Variants in VPS37A observed in about 807,000 individuals in gnomAD.
VPS37A encodes VPS37A subunit of ESCRT-I, also known as vacuolar protein sorting-associated protein 37A.
Under a neutral mutation model 49.8 loss-of-function variants are expected in VPS37A, and 30 were observed. The ratio of observed to expected loss-of-function variants is 0.60; its 90% CI spans 0.45 to 0.82. The LOEUF (loss-of-function observed/expected upper bound fraction) is 0.82. Among genes scored for constraint, VPS37A ranks in the 40% least tolerant of loss-of-function variants. VPS37A has a pLI of 0.00. For synonymous variants in VPS37A, 195 were observed against 160.6 expected, an observed-to-expected ratio of 1.21 and a Z score of -1.62; for missense variants, 593 against 464.4, an observed-to-expected ratio of 1.28 and a Z score of -2.55.
At position 17,247,006 on chromosome 8, in the gene VPS37A, G is replaced by A; in HGVS notation, c.-239G>A. The stretch of plus-strand genomic sequence containing the variant: ...TGGCCGGTTTGGGCGTCTGGGCCGT[G>A]AAGGTGGGACCTCCTGTTCCGGGCC... On this transcript the variant is annotated 5_prime_UTR_variant, in exon 1 of 12. Transcript: ENST00000324849. The A allele has an allele frequency of 1.8e-6, 1 of 556,230 alleles. No homozygotes were observed. Among genetic ancestry groups the A allele is most frequent in the Non-Finnish European group, 3.2e-6 (1 of 315,400 alleles). 34.5% of individuals were successfully genotyped at this position (556,230 alleles called of 1,614,324 possible).
chr8:17,304,604 T>G, downstream of VPS37A: 1 of 1,419,840 alleles, frequency 7.0e-7, no homozygotes, highest in Non-Finnish European at 9.7e-7. Flanking sequence ...GGAAAGGAAC[T>G]AATAATTGTT....
rs1029457668 is a variant in VPS37A at position 17,246,967 on chromosome 8, C to T, written c.-278C>T. On this transcript the variant is annotated 5_prime_UTR_variant, in exon 1 of 12. Transcript: ENST00000324849. ...GCGCGGGTGGTGGAGCGCTGGGCGG[C>T]CAGGCTCCCTGGCTGGCCGGTTTGG... is the stretch of plus-strand genomic sequence containing the variant. 7.8e-5 allele frequency: 36 copies of T among 464,308 alleles called. 1 individual carries two copies. The highest frequency in any genetic ancestry group is 6.4e-4 in the African/African-American group (31 of 48,330). The allele number at this position is 464,308 out of a possible 1,614,324, so 28.8% of individuals were successfully genotyped here. A position where few individuals can be genotyped will look rare whatever the true frequency, so the allele number is the denominator to read the frequency against.
chr8:17,303,818 C>A (rs781217849), downstream of VPS37A, among the ~76,000 whole-genome samples: 13 of 152,180 alleles, frequency 8.5e-5, no homozygotes, highest in Non-Finnish European at 1.5e-4. Flanking sequence ...CCATGTTGGC[C>A]AGGCTTGTCT....
intron 1 of VPS37A, among the ~76,000 whole-genome samples, chr8:17,259,569 T>C (rs1267831407): frequency 6.6e-6 from 1 of 152,162 alleles, no homozygotes; most frequent in East Asian, 1.9e-4. Flanking sequence ...CAGTGTTCTG[T>C]AAATGTCAAT....
At chr8:17,314,009 T>G in the VPS37A span, among the ~76,000 whole-genome samples, 4 of 152,186 alleles carry the variant, frequency 2.6e-5, no homozygotes, top group Non-Finnish European at 5.9e-5. Flanking sequence ...GGCTTTCCCT[T>G]TGAGTGAAAA....
At chr8:17,248,725 A>G (rs191953451) in intron 1 of VPS37A, among the ~76,000 whole-genome samples, 30 of 152,348 alleles carry the variant, frequency 2.0e-4, no homozygotes, top group Admixed American at 1.8e-3. Flanking sequence ...TGGCTAAAAT[A>G]AGGCCTGATG....
At position 17,280,241 on chromosome 8, in the gene VPS37A, A is replaced by G. The variant is rs1262084119; in HGVS notation, c.844A>G (p.Lys282Glu). 3 of 1,612,726 alleles carry G rather than the reference A, an allele frequency of 1.9e-6. No individual in the cohort carries two copies. The highest frequency in any genetic ancestry group is 1.3e-5 in the African/African-American group (1 of 75,004). ...LVKSIEELAR[K>E]NLLLEPSLEA... is the part of the protein sequence containing the mutation. ...TAAACTAGAGATTTATCTTACAGGA[A>G]AAAATCTCCTTTTGGAGCCCAGCTT... Residue 282 changes from lysine (K) to glutamate (E), a missense_variant and splice_region_variant, in exon 8 of 12, where the codon AAA becomes GAA. Lys to Glu is a moderately conservative substitution (Grantham distance 56, BLOSUM62 1). Coordinates refer to ENST00000324849, the MANE Select transcript of VPS37A (RefSeq NM_152415.3).
chr8:17,265,914 G>C lies in VPS37A; in HGVS notation c.133G>C (p.Glu45Gln). 1 of 1,613,288 alleles carries C rather than the reference G, an allele frequency of 6.2e-7. No individual in the cohort carries two copies. Among genetic ancestry groups the C allele is most frequent in the Non-Finnish European group, 8.5e-7 (1 of 1,179,628 alleles). ...TAAAATTTTCTCCTGCAGTATAGCCGAAATACAGAAAGATGTGGAATACAG... is the reference window on the plus strand; with the variant it reads ...TAAAATTTTCTCCTGCAGTATAGCCCAAATACAGAAAGATGTGGAATACAG... Reference protein sequence around the residue: ...SLRNSHSSIAEIQKDVEYRLP... With the variant: ...SLRNSHSSIAQIQKDVEYRLP... Residue 45 changes from glutamate (E) to glutamine (Q), a missense_variant, in exon 2 of 12, where the codon GAA becomes CAA. By Grantham distance (29) the Glu-to-Gln change is conservative. Coordinates refer to ENST00000324849, the MANE Select transcript of VPS37A (RefSeq NM_152415.3).
chr8:17,283,667 A>C (rs1465038306), intron 9 of VPS37A, among the ~76,000 whole-genome samples: 1 of 151,986 alleles, frequency 6.6e-6, no homozygotes, highest in Non-Finnish European at 1.5e-5. Context: ...CATATGTGTG[A>C]GGGTTTATTT....
the VPS37A span, among the ~76,000 whole-genome samples, chr8:17,318,805 T>C: frequency 1.6e-4 from 25 of 152,296 alleles, no homozygotes; most frequent in Admixed American, 3.3e-4. Context: ...CAGGGACAGC[T>C]GACACAGGAG....
rs1815230132 is a variant in VPS37A at position 17,282,986 on chromosome 8, A to G, written c.970-1487A>G. On this transcript the variant is annotated intron_variant, in intron 9 of 11. Coordinates refer to ENST00000324849, the MANE Select transcript of VPS37A (RefSeq NM_152415.3). ...AATATTTAATGAATAAATAACTGGA[A>G]ACTTTGGAAAATATGTTCAACTTTA... Among the ~76,000 whole-genome samples, 6 of 152,216 alleles carry G rather than the reference A, an allele frequency of 3.9e-5. No homozygotes were observed. In the South Asian group the frequency reaches 1.2e-3, roughly 31 times the overall value.
the VPS37A span, among the ~76,000 whole-genome samples, chr8:17,314,872 G>A: frequency 1.4e-4 from 22 of 152,300 alleles, no homozygotes; most frequent in African/African-American, 5.3e-4. Context: ...TAAGGTCACA[G>A]TGTTGCCCCT....
At chr8:17,299,484 A>T (rs1242180655), downstream of VPS37A, 1 of 179,902 alleles carries the variant, frequency 5.6e-6, no homozygotes, top group Non-Finnish European at 1.2e-5. Flanking sequence ...AAGTGAACTA[A>T]AAGAATCATG....
At chr8:17,255,518 A>G (rs1172270433) in intron 1 of VPS37A, among the ~76,000 whole-genome samples, 6 of 151,360 alleles carry the variant, frequency 4.0e-5, no homozygotes, top group South Asian at 4.2e-4. Context: ...GTATGTGTAT[A>G]TATGTGTGTA....
At chr8:17,303,263 A>C (rs765569113), downstream of VPS37A, among the ~76,000 whole-genome samples, 2 of 152,180 alleles carry the variant, frequency 1.3e-5, no homozygotes, top group African/African-American at 2.4e-5. Context: ...ACAGCTCTTA[A>C]AACTTGTCTT....
the VPS37A span, among the ~76,000 whole-genome samples, chr8:17,317,653 G>A: frequency 3.3e-5 from 5 of 152,132 alleles, no homozygotes; most frequent in Non-Finnish European, 5.9e-5. Flanking sequence ...AGGAGGCTGG[G>A]ACCCAATGAA....
the VPS37A span, among the ~76,000 whole-genome samples, chr8:17,327,429 C>A: frequency 7.9e-5 from 11 of 139,430 alleles, no homozygotes; most frequent in African/African-American, 3.1e-4. Context: ...CACCACCACG[C>A]CTGGTTGATT....
At chr8:17,256,144 A>G (rs919411860) in intron 1 of VPS37A, among the ~76,000 whole-genome samples, 10 of 151,382 alleles carry the variant, frequency 6.6e-5, no homozygotes, top group African/African-American at 2.2e-4. Flanking sequence ...GAACCTCCAT[A>G]CTGTTCTCCA....
At chr8:17,317,111 A>G in the VPS37A span, among the ~76,000 whole-genome samples, 2 of 152,096 alleles carry the variant, frequency 1.3e-5, no homozygotes, top group Non-Finnish European at 2.9e-5. Context: ...CAGACTTTTT[A>G]GAATTTGCTT....
Sources: gnomAD v4.1 joint callset for allele counts (sites outside exome capture counted in the v4.1 genomes callset) on GRCh38, gnomAD v4.1.1 for gene constraint, MANE v1.5 for transcripts, NCBI Gene and HGNC (gene_info 2026-07-23, HGNC 2026-07-21) for gene names.